Variants in ZNF804B observed in about 807,000 individuals in gnomAD.
The protein encoded by ZNF804B is zinc finger protein 804B, also known as zinc finger 804B.
In ZNF804B, 80 loss-of-function variants were observed where a neutral mutation model predicts 101.4. The ratio of observed to expected loss-of-function variants is 0.79; its 90% CI spans 0.66 to 0.95. ZNF804B has a LOEUF of 0.95. ZNF804B is among the 40% of genes least tolerant of loss of function. The pLI is 0.00. For missense variants in ZNF804B, 1,673 were observed against 1,561.9 expected, an observed-to-expected ratio of 1.07 and a Z score of -1.20; for synonymous variants, 622 against 558.8, an observed-to-expected ratio of 1.11 and a Z score of -1.59.
intron 1 of ZNF804B, among the ~76,000 whole-genome samples, chr7:88,800,565 G>A (rs532701052): frequency 1.3e-5 from 2 of 152,108 alleles, no homozygotes; most frequent in Admixed American, 1.3e-4. Context: ...TTTAGTACAG[G>A]GCTGGATGGG....
intron 1 of ZNF804B, among the ~76,000 whole-genome samples, chr7:88,783,452 T>A (rs1378834874): frequency 6.6e-6 from 1 of 152,170 alleles, no homozygotes; most frequent in African/African-American, 2.4e-5. Flanking sequence ...TGGGCTGGAA[T>A]AGACAGTATT....
intron 2 of ZNF804B, among the ~76,000 whole-genome samples, chr7:89,273,968 T>C (rs995208152): frequency 6.6e-6 from 1 of 152,192 alleles, no homozygotes; most frequent in Non-Finnish European, 1.5e-5. Flanking sequence ...ATTCTGCTTT[T>C]TCTGTTTCAG....
intron 1 of ZNF804B, among the ~76,000 whole-genome samples, chr7:88,817,315 G>A (rs1790899413): frequency 6.6e-6 from 1 of 152,054 alleles, no homozygotes. Context: ...CACCAACATG[G>A]CACATGTATA....
At chr7:89,209,618 A>G (rs1788772964) in intron 1 of ZNF804B, among the ~76,000 whole-genome samples, 1 of 152,186 alleles carries the variant, frequency 6.6e-6, no homozygotes, top group East Asian at 1.9e-4. Flanking sequence ...TAAAACTACC[A>G]TGTGTTTGGA....
intron 2 of ZNF804B, among the ~76,000 whole-genome samples, chr7:89,251,842 A>T (rs1035585408): frequency 7.2e-5 from 11 of 152,336 alleles, no homozygotes; most frequent in African/African-American, 2.2e-4. Context: ...GTGGTGGGAT[A>T]CGTGGCCAGC....
At chr7:89,150,818 G>A (rs938872114) in intron 1 of ZNF804B, among the ~76,000 whole-genome samples, 1 of 152,068 alleles carries the variant, frequency 6.6e-6, no homozygotes, top group African/African-American at 2.4e-5. Context: ...TTTCTAAGAG[G>A]CCAGTCCTTC....
At chr7:89,305,344 A>G (rs1790544111) in intron 2 of ZNF804B, among the ~76,000 whole-genome samples, 1 of 152,004 alleles carries the variant, frequency 6.6e-6, no homozygotes, top group African/African-American at 2.4e-5. Flanking sequence ...GTAGGATTTT[A>G]TTATAACCAT....
Position 89,336,028 on chromosome 7 carries a change from A to G in ZNF804B, c.3046A>G (p.Ile1016Val), listed in dbSNP as rs762026648. The G allele has an allele frequency of 6.2e-7, 1 of 1,613,896 alleles. No homozygotes were observed. Among genetic ancestry groups the G allele is most frequent in the East Asian group, 2.2e-5 (1 of 44,878 alleles). The change falls in exon 4 of 4, where the codon ATT becomes GTT. Residue 1016 changes from isoleucine (I) to valine (V), a missense_variant. Coordinates refer to ENST00000333190, the MANE Select transcript of ZNF804B (RefSeq NM_181646.5). The stretch of plus-strand genomic sequence containing the variant: ...AAGTTCACACACAAATAATTTTACA[A>G]TTTTAGCAGACACTGATTGTGATAA... ...SKSSHTNNFT[I>V]LADTDCDNHL...
chr7:89,271,471 G>A (rs1437141537), intron 2 of ZNF804B, among the ~76,000 whole-genome samples: 1 of 152,130 alleles, frequency 6.6e-6, no homozygotes, highest in Non-Finnish European at 1.5e-5. Flanking sequence ...CAGTTTGCCA[G>A]TATTTTATTG....
chr7:88,914,827 T>C (rs557619992), intron 1 of ZNF804B, among the ~76,000 whole-genome samples: 1 of 152,260 alleles, frequency 6.6e-6, no homozygotes, highest in African/African-American at 2.4e-5. Context: ...CTTTGTTGAG[T>C]TTATTAAGCA....
chr7:89,024,283 G>T (rs1479906396), intron 1 of ZNF804B, among the ~76,000 whole-genome samples: 2 of 152,106 alleles, frequency 1.3e-5, no homozygotes, highest in East Asian at 3.9e-4. Flanking sequence ...ATAATACTTA[G>T]GGTACAAAGA....
At chr7:88,909,769 T>C (rs1194769709) in intron 1 of ZNF804B, among the ~76,000 whole-genome samples, 1 of 151,950 alleles carries the variant, frequency 6.6e-6, no homozygotes, top group East Asian at 1.9e-4. Context: ...AGGTTTTTTT[T>C]TTTAACTTAC....
intron 2 of ZNF804B, among the ~76,000 whole-genome samples, chr7:89,235,753 G>A (rs1316929747): frequency 6.7e-6 from 1 of 148,564 alleles, no homozygotes; most frequent in Admixed American, 6.7e-5. Context: ...ATTAATTTAG[G>A]CCCCAATTTT....
At chr7:88,834,173 AT>A (rs1443355359) in intron 1 of ZNF804B, among the ~76,000 whole-genome samples, 1 of 151,824 alleles carries the variant, frequency 6.6e-6, no homozygotes, top group Admixed American at 6.6e-5. Flanking sequence ...ATATGGAATT[AT>A]TTTTTGTTAA....
At chr7:88,776,581 T>TC (rs1554334519) in intron 1 of ZNF804B, among the ~76,000 whole-genome samples, 1 of 147,620 alleles carries the variant, frequency 6.8e-6, no homozygotes, top group Non-Finnish European at 1.5e-5. Context: ...TTTTTTTTTT[T>TC]CAGAGCAAAT....
intron 3 of ZNF804B, among the ~76,000 whole-genome samples, chr7:89,332,594 T>C (rs1262906987): frequency 2.6e-5 from 4 of 151,900 alleles, no homozygotes; most frequent in African/African-American, 7.2e-5. Flanking sequence ...TAAAGAATTT[T>C]ATCTCTTATA....
At chr7:89,142,573 A>G (rs1464404948) in intron 1 of ZNF804B, among the ~76,000 whole-genome samples, 1 of 151,862 alleles carries the variant, frequency 6.6e-6, no homozygotes, top group Non-Finnish European at 1.5e-5. Flanking sequence ...TCCTATTATA[A>G]TTCTTGGAGT....
At chr7:89,019,123 A>G (rs898805985) in intron 1 of ZNF804B, among the ~76,000 whole-genome samples, 3 of 152,020 alleles carry the variant, frequency 2.0e-5, no homozygotes, top group African/African-American at 7.2e-5. Context: ...ATTTATTGCT[A>G]TAAACTTGCC....
chr7:89,133,389 G>T (rs1340333030), intron 1 of ZNF804B, among the ~76,000 whole-genome samples: 1 of 152,022 alleles, frequency 6.6e-6, no homozygotes, highest in Non-Finnish European at 1.5e-5. Flanking sequence ...GCTTCTGAAA[G>T]GCCAACACTG....
Sources: allele counts gnomAD v4.1 joint callset (sites outside exome capture counted in the v4.1 genomes callset), GRCh38; gene constraint gnomAD v4.1.1; transcripts MANE v1.5; gene names NCBI Gene and HGNC (gene_info 2026-07-23, HGNC 2026-07-21).